The following CFH variants were observed in gnomAD, a reference collection of about 807,000 sequenced individuals.
CFH encodes the protein H factor 1 (complement).
In CFH, 53 loss-of-function variants were observed where a neutral mutation model predicts 147.3. The ratio of observed to expected loss-of-function variants is 0.36; its 90% CI spans 0.29 to 0.45. The LOEUF (loss-of-function observed/expected upper bound fraction) is 0.45. CFH is among the 20% of genes least tolerant of loss of function. The pLI is 1.00. For missense variants in CFH, 1,380 were observed against 1,498.0 expected (o/e 0.92, Z 1.30); for synonymous variants, 536 against 489.4 (o/e 1.10, Z -1.26).
intron 9 of CFH, among the ~76,000 whole-genome samples, chr1:196,697,718 C>A (rs565180443): frequency 6.6e-6 from 1 of 151,916 alleles, no homozygotes; most frequent in Non-Finnish European, 1.5e-5. Context: ...ATGTTTATTG[C>A]GGCACTATTC....
At position 196,736,877 on chromosome 1, in the gene CFH, A is replaced by G; in HGVS notation, c.2467A>G (p.Met823Val). The G allele has an allele frequency of 1.9e-6, 3 of 1,600,616 alleles. No individual in the cohort carries two copies. The highest frequency in any genetic ancestry group is 1.3e-5 in the African/African-American group (1 of 74,644). Reference sequence around the variant, plus strand: ...ACCTCAGATTCCCAATTCTCACAATATGACAACCACACTGAATTATCGGGA... The same window carrying G: ...ACCTCAGATTCCCAATTCTCACAATGTGACAACCACACTGAATTATCGGGA... ...PPPQIPNSHN[M>V]TTTLNYRDGE... The change falls in exon 16 of 22, where the codon ATG becomes GTG. Residue 823 changes from methionine (M) to valine (V), a missense_variant. Met to Val is a conservative substitution (Grantham distance 21, BLOSUM62 1). Around this residue, in one of 4 missense-constraint regions of CFH, gnomAD observed 830 missense variants for 821.4 expected, o/e 1.01. Transcript: ENST00000367429.
intron 7 of CFH, among the ~76,000 whole-genome samples, chr1:196,689,004 T>G (rs1260693613): frequency 6.8e-6 from 1 of 146,166 alleles, no homozygotes; most frequent in Non-Finnish European, 1.5e-5. Flanking sequence ...GCAGGGCTCT[T>G]GTTTACTGAT....
chr1:196,745,721 A>G, intron 20 of CFH, 96 bp from the exon 21 acceptor site: 6 of 1,533,254 alleles, frequency 3.9e-6, no homozygotes, highest in Non-Finnish European at 5.4e-6. Context: ...AAAACTGTTG[A>G]TATTATATAC....
chr1:196,699,002 AC>A, intron 9 of CFH, among the ~76,000 whole-genome samples: 1 of 152,188 alleles, frequency 6.6e-6, no homozygotes, highest in East Asian at 1.9e-4. Flanking sequence ...AAAATTCAAC[AC>A]CCCTTCATGG....
chr1:196,715,482 CTATT>C, intron 10 of CFH, 107 bp from the exon 11 acceptor site: 1 of 808,368 alleles, frequency 1.2e-6, no homozygotes, highest in East Asian at 2.6e-5. Flanking sequence ...TGTACGGTAC[CTATT>C]TATTAGTAGA....
intron 9 of CFH, among the ~76,000 whole-genome samples, chr1:196,702,075 T>A (rs1287824483): frequency 6.6e-6 from 1 of 152,070 alleles, no homozygotes; most frequent in Non-Finnish European, 1.5e-5. Context: ...CATGATAAAG[T>A]AAGAAATTAA....
intron 9 of CFH, among the ~76,000 whole-genome samples, chr1:196,708,221 A>C (rs1474917844): frequency 1.3e-5 from 2 of 152,196 alleles, no homozygotes; most frequent in Non-Finnish European, 2.9e-5. Context: ...AGAATGATGG[A>C]TCTGTCAGTA....
At chr1:196,702,798 T>G (rs559368659) in intron 9 of CFH, among the ~76,000 whole-genome samples, 54 of 152,286 alleles carry the variant, frequency 3.5e-4, no homozygotes, top group African/African-American at 1.2e-3. Flanking sequence ...CCTTGAACAC[T>G]ATCAAAACTG....
At chr1:196,746,131 C>T in intron 21 of CFH, 132 bp downstream of exon 21, 7 of 1,531,044 alleles carry the variant, frequency 4.6e-6, no homozygotes, top group East Asian at 4.7e-5. Flanking sequence ...ATATTTCTGT[C>T]AGAAAGTAAA....
At chr1:196,743,413 T>C in intron 19 of CFH, 39 bp from the exon 20 acceptor site, 1 of 1,612,806 alleles carries the variant, frequency 6.2e-7, no homozygotes, top group Non-Finnish European at 8.5e-7. Context: ...CTACTCAAAA[T>C]GAACACTAGG....
chr1:196,688,078 T>C (rs1667888372), intron 7 of CFH, among the ~76,000 whole-genome samples: 1 of 151,894 alleles, frequency 6.6e-6, no homozygotes, highest in African/African-American at 2.4e-5. Flanking sequence ...TATATGTGTG[T>C]GTGTGTATGT....
chr1:196,701,210 G>T, intron 9 of CFH: 1 of 1,475,956 alleles, frequency 6.8e-7, no homozygotes, highest in South Asian at 1.1e-5. Flanking sequence ...CTAACTCAGG[G>T]AACTCTTCTT....
intron 3 of CFH, among the ~76,000 whole-genome samples, chr1:196,674,328 T>C (rs1022114332): frequency 1.3e-5 from 2 of 152,212 alleles, no homozygotes; most frequent in African/African-American, 4.8e-5. Flanking sequence ...TATTGTATGG[T>C]AACTGTTTTG....
rs62641696 is a variant in CFH at position 196,736,898 on chromosome 1, C to G, written c.2488C>G (p.Arg830Gly). ...CAATATGACAACCACACTGAATTATCGGGATGGAGAAAAAGTATCTGTTCT... is the reference window on the plus strand; with the variant it reads ...CAATATGACAACCACACTGAATTATGGGGATGGAGAAAAAGTATCTGTTCT... The part of the protein sequence containing the change: ...SHNMTTTLNY[R>G]DGEKVSVLCQ... The change falls in exon 16 of 22, where the codon CGG (arginine) becomes GGG (glycine). Residue 830 changes from arginine to glycine, a missense_variant. Arg to Gly is a moderately radical substitution (Grantham distance 125). Around this residue, in one of 4 missense-constraint regions of CFH, gnomAD observed 830 missense variants for 821.4 expected, o/e 1.01. Transcript: ENST00000367429. 6.2e-7 allele frequency: 1 copy of G among 1,609,746 alleles called. No individual in the cohort carries two copies. The highest frequency in any genetic ancestry group is 8.5e-7 in the Non-Finnish European group (1 of 1,177,444).
In CFH at chr1:196,740,805, G is replaced by A. The variant is rs572034879; in HGVS notation, c.2956+13G>A. 243 of 1,611,872 alleles carry A rather than the reference G, an allele frequency of 1.5e-4. No homozygotes were observed. Among genetic ancestry groups the A allele is most frequent in the Admixed American group, 8.0e-4 (48 of 59,992 alleles). ...CCATCATGCATAAGTATGGTGCATT[G>A]AATTTTATTATATGTATGATAAATA... On this transcript the variant is annotated intron_variant, in intron 18 of 21. Coordinates refer to ENST00000367429, the MANE Select transcript of CFH (RefSeq NM_000186.4).
chr1:196,660,443 G>T (rs1273401306), intron 1 of CFH, among the ~76,000 whole-genome samples: 1 of 152,172 alleles, frequency 6.6e-6, no homozygotes, highest in Admixed American at 6.5e-5. Context: ...GGAATGACAT[G>T]ACCAGATTTG....
At chr1:196,696,585 A>C (rs907484509) in intron 9 of CFH, among the ~76,000 whole-genome samples, 6 of 151,524 alleles carry the variant, frequency 4.0e-5, no homozygotes, top group African/African-American at 1.5e-4. Flanking sequence ...GAATCTATAA[A>C]TTACCTTTGG....
chr1:196,696,528 C>A (rs1052469331), intron 9 of CFH, among the ~76,000 whole-genome samples: 1 of 152,106 alleles, frequency 6.6e-6, no homozygotes, highest in Non-Finnish European at 1.5e-5. Flanking sequence ...AAACTTGACA[C>A]CCTAACACCT....
chr1:196,705,190 C>G (rs1668556986), intron 9 of CFH, among the ~76,000 whole-genome samples: 1 of 112,168 alleles, frequency 8.9e-6, no homozygotes, highest in Admixed American at 1.1e-4. Context: ...GAATATTATA[C>G]TGGCTTTACA....
Sources: gnomAD v4.1 joint callset for allele counts (sites outside exome capture counted in the v4.1 genomes callset) on GRCh38, gnomAD v4.1.1 for gene constraint, gnomAD v4.1.1 regional missense constraint, MANE v1.5 for transcripts, NCBI Gene and HGNC (gene_info 2026-07-23, HGNC 2026-07-21) for gene names.